ALCAM: variants seen among roughly 807,000 people sequenced by gnomAD.
ALCAM encodes the protein activated leukocyte cell adhesion molecule.
Under a neutral mutation model 70.9 loss-of-function variants are expected in ALCAM, and 30 were observed. The ratio of observed to expected loss-of-function variants is 0.42; its 90% CI spans 0.32 to 0.57. The LOEUF is 0.57. Among genes scored for constraint, ALCAM ranks in the 20% least tolerant of loss-of-function variants. ALCAM has a pLI of 0.11. For missense variants in ALCAM, 591 were observed against 695.1 expected (o/e 0.85, Z 1.68); for synonymous variants, 249 against 242.5 (o/e 1.03, Z -0.25).
rs549371322 is a variant in ALCAM, at chr3:105,541,868, A to G, written c.991+103A>G. The G allele has an allele frequency of 1.4e-5, 19 of 1,401,304 alleles. 1 individual carries two copies. The African/African-American group carries it at 2.3e-4, about 17-fold the overall frequency. The allele number at this position is 1,401,304 out of a possible 1,614,324, so 86.8% of individuals were successfully genotyped here. On this transcript the variant is annotated intron_variant, in intron 8 of 15. Transcript: ENST00000306107. ...ACTGCACGTATATCTTTCTTAAATA[A>G]CTTGGTTGCAATAGATGCAGTAGAG...
intron 3 of ALCAM, among the ~76,000 whole-genome samples, chr3:105,530,049 A>G (rs578137266): frequency 5.3e-5 from 8 of 152,074 alleles, no homozygotes; most frequent in African/African-American, 1.9e-4. Flanking sequence ...GAATGTTTTG[A>G]CCTTTTTTTT....
intron 1 of ALCAM, among the ~76,000 whole-genome samples, chr3:105,414,832 C>T (rs1936470542): frequency 6.6e-6 from 1 of 151,902 alleles, no homozygotes. Context: ...AGGCTTTTGA[C>T]CAAGGAAATG....
intron 1 of ALCAM, among the ~76,000 whole-genome samples, chr3:105,459,108 A>T (rs1576177201): frequency 6.6e-6 from 1 of 151,890 alleles, no homozygotes; most frequent in African/African-American, 2.4e-5. Context: ...GCTTTCCCCC[A>T]CTCATAGTCT....
intron 1 of ALCAM, among the ~76,000 whole-genome samples, chr3:105,418,923 A>G (rs963695577): frequency 2.6e-5 from 4 of 151,466 alleles, no homozygotes; most frequent in Admixed American, 6.6e-5. Flanking sequence ...CATTTCTACC[A>G]TTTTCTTTCT....
At chr3:105,470,783 A>G (rs1937904774) in intron 1 of ALCAM, among the ~76,000 whole-genome samples, 1 of 151,260 alleles carries the variant, frequency 6.6e-6, no homozygotes, top group African/African-American at 2.4e-5. Flanking sequence ...CTCATCAAAT[A>G]TGTTCATTCC....
At chr3:105,544,122 A>G (rs1253988532) in intron 8 of ALCAM, among the ~76,000 whole-genome samples, 3 of 151,674 alleles carry the variant, frequency 2.0e-5, no homozygotes, top group African/African-American at 7.3e-5. Context: ...ACTGTAGAAC[A>G]AAGACACAAC....
chr3:105,555,146 T>C (rs972299943), intron 14 of ALCAM, among the ~76,000 whole-genome samples: 2 of 151,990 alleles, frequency 1.3e-5, no homozygotes, highest in African/African-American at 4.8e-5. Flanking sequence ...ACTGACTTCA[T>C]GGTGTCTTTA....
chr3:105,559,258 ATATT>A (rs1271934575), intron 14 of ALCAM, among the ~76,000 whole-genome samples: 2 of 148,104 alleles, frequency 1.4e-5, no homozygotes, highest in African/African-American at 4.9e-5. Flanking sequence ...ATATATATAC[ATATT>A]TATATATACA....
intron 4 of ALCAM, among the ~76,000 whole-genome samples, chr3:105,532,557 C>T (rs11926914): frequency 0.01 from 1,595 of 152,148 alleles, 22 homozygotes; most frequent in African/African-American, 0.036. Flanking sequence ...TGCAGTGAGC[C>T]ATGTTTGCAC....
intron 1 of ALCAM, among the ~76,000 whole-genome samples, chr3:105,478,974 G>T (rs1404894192): frequency 6.6e-6 from 1 of 151,982 alleles, no homozygotes; most frequent in Non-Finnish European, 1.5e-5. Flanking sequence ...TTTTATTGGT[G>T]TATCATCAAG....
chr3:105,515,877 C>CAA (rs1441555030), intron 1 of ALCAM, among the ~76,000 whole-genome samples: 1 of 152,006 alleles, frequency 6.6e-6, no homozygotes, highest in Non-Finnish European at 1.5e-5. Flanking sequence ...GGATAAACTT[C>CAA]TCATTTCTAT....
chr3:105,446,577 A>G (rs1409126226), intron 1 of ALCAM, among the ~76,000 whole-genome samples: 1 of 151,276 alleles, frequency 6.6e-6, no homozygotes, highest in Non-Finnish European at 1.5e-5. Context: ...CTAAGTATCT[A>G]CCAATGGATG....
chr3:105,565,427 A>G (rs1940722457), intron 14 of ALCAM, among the ~76,000 whole-genome samples: 1 of 152,172 alleles, frequency 6.6e-6, no homozygotes, highest in Non-Finnish European at 1.5e-5. Flanking sequence ...GTAACCCCAT[A>G]CATGAAATTA....
chr3:105,535,733 A>G (rs1330202964), intron 6 of ALCAM, among the ~76,000 whole-genome samples: 3 of 107,490 alleles, frequency 2.8e-5, no homozygotes, highest in Admixed American at 1.2e-4. Context: ...ATTTGGGGGG[A>G]AAATGCAATA....
chr3:105,554,671 A>G (rs1559655063), intron 14 of ALCAM, among the ~76,000 whole-genome samples: 1 of 151,978 alleles, frequency 6.6e-6, no homozygotes, highest in Non-Finnish European at 1.5e-5. Flanking sequence ...TCTATAGAAA[A>G]TTCGGAAGAC....
intron 1 of ALCAM, among the ~76,000 whole-genome samples, chr3:105,416,719 A>C (rs989901395): frequency 6.6e-6 from 1 of 152,024 alleles, no homozygotes; most frequent in African/African-American, 2.4e-5. Flanking sequence ...CGTATTCTTA[A>C]GTTCAAGCCA....
At chr3:105,545,434 G>A (rs557040666) in intron 9 of ALCAM, 99 bp downstream of exon 9, 2 of 768,116 alleles carry the variant, frequency 2.6e-6, no homozygotes, top group Admixed American at 2.1e-5. Context: ...ATTCATGGAT[G>A]TGTTTATATA....
rs751414998 is a variant in ALCAM, at chr3:105,534,664, G to T, written c.549G>T (p.Ala183=). ...ATCAGTGTTCTTTATTTTCTTCAGC[G>T]GTGGTCATAATTTTTAAAAAGGAAA... ...NGKVLHPLEG[A]VVIIFKKEMD... is the part of the protein sequence containing the mutation. Residue 183 remains alanine (A), a splice_region_variant and synonymous_variant, in exon 6 of 16, where the codon GCG becomes GCT. Coordinates refer to ENST00000306107, the MANE Select transcript of ALCAM (RefSeq NM_001627.4). 6.8e-6 allele frequency: 11 copies of T among 1,613,076 alleles called. No homozygotes were observed. Among genetic ancestry groups the T allele is most frequent in the Non-Finnish European group, 9.3e-6 (11 of 1,179,416 alleles).
chr3:105,472,678 CATTCTTGTACGG>C (rs1319211652), intron 1 of ALCAM, among the ~76,000 whole-genome samples: 2 of 151,380 alleles, frequency 1.3e-5, no homozygotes, highest in Non-Finnish European at 3.0e-5. Flanking sequence ...AGGCAAGGAA[CATTCTTGTACGG>C]ATTGAGATGT....
Sources: allele counts gnomAD v4.1 joint callset (sites outside exome capture counted in the v4.1 genomes callset), GRCh38; gene constraint gnomAD v4.1.1; transcripts MANE v1.5; gene names NCBI Gene and HGNC (gene_info 2026-07-23, HGNC 2026-07-21).